The following XKR6 variants were observed in gnomAD, a reference collection of about 807,000 sequenced individuals.
The protein encoded by XKR6 is XK related 6.
In XKR6, 22 loss-of-function variants were observed where a neutral mutation model predicts 56.7. The ratio of observed to expected loss-of-function variants is 0.39; its 90% CI spans 0.28 to 0.55. XKR6 has a LOEUF of 0.55. Among genes scored for constraint, XKR6 ranks in the 20% least tolerant of loss-of-function variants. XKR6 has a pLI of 0.66. For synonymous variants in XKR6, 524 were observed against 387.8 expected (o/e 1.35, Z -4.13); for missense variants, 852 against 889.0 (o/e 0.96, Z 0.53).
chr8:10,989,408 A>G (rs1797936919), intron 1 of XKR6, among the ~76,000 whole-genome samples: 1 of 152,252 alleles, frequency 6.6e-6, no homozygotes, highest in African/African-American at 2.4e-5. Context: ...CTAGCCCGAA[A>G]TCACAAACCA....
At chr8:11,162,142 G>A (rs1012470328) in intron 1 of XKR6, among the ~76,000 whole-genome samples, 2 of 152,176 alleles carry the variant, frequency 1.3e-5, no homozygotes, top group African/African-American at 4.8e-5. Context: ...CCACCTAATT[G>A]TAAAAGGAAG....
chr8:11,077,572 T>C (rs11773990), intron 1 of XKR6, among the ~76,000 whole-genome samples: 85,586 of 152,090 alleles, frequency 0.56, 26,821 homozygotes, highest in African/African-American at 0.82. Context: ...CCAGACTGGG[T>C]CCTGTAAATC....
intron 1 of XKR6, among the ~76,000 whole-genome samples, chr8:11,033,392 T>G (rs937532551): frequency 1.7e-4 from 25 of 150,950 alleles, no homozygotes; most frequent in Admixed American, 1.3e-3. Context: ...GTGATGATGA[T>G]GATGACGATA....
chr8:10,990,292 T>C (rs1160389991), intron 1 of XKR6, among the ~76,000 whole-genome samples: 1 of 152,188 alleles, frequency 6.6e-6, no homozygotes, highest in South Asian at 2.1e-4. Context: ...ACTGTTACTC[T>C]TAGACCAGCA....
intron 1 of XKR6, among the ~76,000 whole-genome samples, chr8:10,969,383 G>C (rs1802331280): frequency 6.6e-6 from 1 of 152,150 alleles, no homozygotes; most frequent in Admixed American, 6.5e-5. Flanking sequence ...TCACCCAGTG[G>C]TATCCAAAGG....
chr8:10,930,065 T>A (rs1025227969), intron 1 of XKR6, among the ~76,000 whole-genome samples: 1 of 150,144 alleles, frequency 6.7e-6, no homozygotes, highest in Non-Finnish European at 1.5e-5. Flanking sequence ...CCGTCAGTCA[T>A]GGTTCAGGAA....
intron 1 of XKR6, among the ~76,000 whole-genome samples, chr8:11,082,959 C>A (rs1029083929): frequency 1.3e-5 from 2 of 152,210 alleles, no homozygotes; most frequent in Admixed American, 6.5e-5. Context: ...GGCCAGGTAG[C>A]CCTAGGCAGG....
At chr8:11,095,302 G>C (rs531721847) in intron 1 of XKR6, among the ~76,000 whole-genome samples, 2 of 152,286 alleles carry the variant, frequency 1.3e-5, no homozygotes, top group African/African-American at 4.8e-5. Context: ...ATGAATCTTG[G>C]TTTTAAGAAT....
chr8:11,186,564 G>A (rs996780470), intron 1 of XKR6, among the ~76,000 whole-genome samples: 1 of 152,122 alleles, frequency 6.6e-6, no homozygotes, highest in Non-Finnish European at 1.5e-5. Context: ...AATTTTTGTA[G>A]AGACAGGGTC....
At chr8:11,078,680 A>G (rs1800337396) in intron 1 of XKR6, among the ~76,000 whole-genome samples, 1 of 152,198 alleles carries the variant, frequency 6.6e-6, no homozygotes, top group South Asian at 2.1e-4. Flanking sequence ...TGACAGCACG[A>G]AGGCTGGGCT....
At chr8:10,979,526 A>G (rs1327787705) in intron 1 of XKR6, among the ~76,000 whole-genome samples, 1 of 152,070 alleles carries the variant, frequency 6.6e-6, no homozygotes, top group African/African-American at 2.4e-5. Context: ...TCCTTTAGAA[A>G]GACCCCCGAC....
intron 1 of XKR6, among the ~76,000 whole-genome samples, chr8:11,176,047 C>T (rs559644465): frequency 1.8e-4 from 28 of 152,288 alleles, no homozygotes; most frequent in African/African-American, 6.3e-4. Flanking sequence ...GGGTGTAAAG[C>T]AAATGACCTT....
chr8:10,937,656 T>TGG (rs1801247331), intron 1 of XKR6, among the ~76,000 whole-genome samples: 3 of 149,650 alleles, frequency 2.0e-5, no homozygotes, highest in Non-Finnish European at 3.0e-5. Flanking sequence ...TGGAATACCC[T>TGG]GCCGTGTGAG....
At position 10,898,692 on chromosome 8, in the gene XKR6, C is replaced by T. The variant is rs772365739; in HGVS notation, c.1186G>A (p.Ala396Thr). 1.2e-5 allele frequency: 19 copies of T among 1,613,970 alleles called. No individual in the cohort carries two copies. Among genetic ancestry groups the T allele is most frequent in the Middle Eastern group, 1.6e-4 (1 of 6,084 alleles). ...CCATGGATGATCCAGAAGGCCATGG[C>T]GCACCAGTGAACCACCACGAAGATC... ...FGIFVVVHWC[A>T]MAFWIIHGGT... is the part of the protein sequence containing the mutation. The change falls in exon 3 of 3, where the codon GCC becomes ACC. Residue 396 changes from alanine to threonine, a missense_variant. By Grantham distance (58) the Ala-to-Thr change is moderately conservative. Around this residue, in one of 4 missense-constraint regions of XKR6, gnomAD observed 199 missense variants for 280.4 expected, o/e 0.71. Coordinates refer to ENST00000416569, the MANE Select transcript of XKR6 (RefSeq NM_173683.4). The surrounding 1 kb of genome is among the most constrained non-coding windows in gnomAD (Gnocchi z 6.6).
At chr8:11,185,247 G>T (rs986309678) in intron 1 of XKR6, among the ~76,000 whole-genome samples, 5 of 152,156 alleles carry the variant, frequency 3.3e-5, no homozygotes, top group African/African-American at 1.2e-4. Context: ...ATCTCACGTT[G>T]CATTAATCTT....
At chr8:11,051,093 G>C (rs890762840) in intron 1 of XKR6, among the ~76,000 whole-genome samples, 5 of 152,080 alleles carry the variant, frequency 3.3e-5, no homozygotes, top group African/African-American at 9.7e-5. Flanking sequence ...GTCCTCCCAA[G>C]TCTGATGTCC....
intron 1 of XKR6, among the ~76,000 whole-genome samples, chr8:10,958,490 A>T (rs1801964497): frequency 6.6e-6 from 1 of 152,332 alleles, no homozygotes; most frequent in South Asian, 2.1e-4. Flanking sequence ...TCATCCTGAG[A>T]GCTGGATATC....
At chr8:11,140,765 G>A (rs1260568630) in intron 1 of XKR6, among the ~76,000 whole-genome samples, 1 of 152,022 alleles carries the variant, frequency 6.6e-6, no homozygotes, top group African/African-American at 2.4e-5. Flanking sequence ...AGGCATGGTG[G>A]TGGGCGCCTG....
intron 1 of XKR6, among the ~76,000 whole-genome samples, chr8:11,073,004 C>T (rs868087347): frequency 1.3e-5 from 2 of 151,552 alleles, no homozygotes; most frequent in Non-Finnish European, 1.5e-5. Flanking sequence ...GAGCCAAGAT[C>T]GCGCCTCTGT....
Sources: gnomAD v4.1 joint callset for allele counts (sites outside exome capture counted in the v4.1 genomes callset) on GRCh38, gnomAD v4.1.1 for gene constraint, gnomAD v4.1.1 regional missense constraint, Gnocchi (gnomAD v3.1) non-coding constraint, MANE v1.5 for transcripts, NCBI Gene and HGNC (gene_info 2026-07-23, HGNC 2026-07-21) for gene names.